Variants in SLC4A10 observed in about 807,000 individuals in gnomAD.
SLC4A10 encodes sodium-driven chloride bicarbonate exchanger.
In SLC4A10, 42 loss-of-function variants were observed where a neutral mutation model predicts 137.7. The ratio of observed to expected loss-of-function variants is 0.30; its 90% CI spans 0.24 to 0.39. The LOEUF is 0.39. SLC4A10 is among the 10% of genes least tolerant of loss of function. The probability of loss-of-function intolerance (pLI) is 1.00; values close to 1 mark genes in which losing one functional copy is unlikely to be tolerated. For synonymous variants in SLC4A10, 474 were observed against 464.1 expected (o/e 1.02, Z -0.27); for missense variants, 925 against 1,355.0 (o/e 0.68, Z 4.98).
intron 1 of SLC4A10, among the ~76,000 whole-genome samples, chr2:161,684,161 CACTTG>C: frequency 6.6e-6 from 1 of 152,180 alleles, no homozygotes; most frequent in East Asian, 1.9e-4. Flanking sequence ...GTGTGTGGCT[CACTTG>C]ACTTAGCGTG....
intron 1 of SLC4A10, among the ~76,000 whole-genome samples, chr2:161,742,996 T>C (rs62189041): frequency 0.081 from 12,369 of 152,238 alleles, 639 homozygotes; most frequent in East Asian, 0.14. Context: ...GTTTGTGCTC[T>C]TTATATATTA....
chr2:161,690,341 T>C (rs1395959589), intron 1 of SLC4A10, among the ~76,000 whole-genome samples: 1 of 152,132 alleles, frequency 6.6e-6, no homozygotes, highest in African/African-American at 2.4e-5. Context: ...TTTTACACTT[T>C]TGGTGGAATG....
chr2:161,719,818 C>T (rs981976309), intron 1 of SLC4A10, among the ~76,000 whole-genome samples: 83 of 151,948 alleles, frequency 5.5e-4, no homozygotes, highest in Middle Eastern at 6.8e-3. Flanking sequence ...GAGTAGGTTG[C>T]GAAAATTTTC....
intron 19 of SLC4A10, among the ~76,000 whole-genome samples, chr2:161,955,103 G>A (rs1466323089): frequency 1.3e-5 from 2 of 152,050 alleles, no homozygotes; most frequent in Admixed American, 6.6e-5. Context: ...CTCCAAGGGG[G>A]CACCATTCAC....
intron 4 of SLC4A10, among the ~76,000 whole-genome samples, chr2:161,849,313 G>A (rs1402356324): frequency 3.9e-5 from 6 of 152,018 alleles, no homozygotes; most frequent in Non-Finnish European, 8.8e-5. Context: ...AGAGATTATG[G>A]TTTTCCTAGG....
intron 1 of SLC4A10, among the ~76,000 whole-genome samples, chr2:161,716,001 T>C (rs1446160237): frequency 6.6e-6 from 1 of 152,146 alleles, no homozygotes; most frequent in African/African-American, 2.4e-5. Context: ...ATCTGTTGTT[T>C]CTTGACTTCT....
intron 23 of SLC4A10, among the ~76,000 whole-genome samples, chr2:161,970,465 C>T (rs1475237366): frequency 6.6e-6 from 1 of 152,202 alleles, no homozygotes; most frequent in Non-Finnish European, 1.5e-5. Flanking sequence ...TGGTTTGACA[C>T]TTCTACTTTC....
chr2:161,753,453 T>A (rs185412591), intron 1 of SLC4A10, among the ~76,000 whole-genome samples: 1 of 152,138 alleles, frequency 6.6e-6, no homozygotes, highest in Admixed American at 6.6e-5. Flanking sequence ...GGTTTTGGAG[T>A]TAGGCAGATC....
intron 1 of SLC4A10, among the ~76,000 whole-genome samples, chr2:161,725,869 G>A (rs976182160): frequency 6.6e-6 from 1 of 152,098 alleles, no homozygotes; most frequent in Non-Finnish European, 1.5e-5. Flanking sequence ...GTGGGATTAG[G>A]TTCTCATTTA....
chr2:161,637,098 T>A (rs1247630747), intron 1 of SLC4A10, among the ~76,000 whole-genome samples: 1 of 125,450 alleles, frequency 8.0e-6, no homozygotes, highest in South Asian at 2.4e-4. Context: ...CATATACGTA[T>A]ATACGTATTT....
chr2:161,813,664 A>C (rs371225614), intron 3 of SLC4A10, among the ~76,000 whole-genome samples: 5 of 152,308 alleles, frequency 3.3e-5, no homozygotes, highest in African/African-American at 9.6e-5. Flanking sequence ...CTATGCGCTA[A>C]TGATGAGTTT....
At chr2:161,711,588 TG>T (rs1174274532) in intron 1 of SLC4A10, among the ~76,000 whole-genome samples, 1 of 151,820 alleles carries the variant, frequency 6.6e-6, no homozygotes, top group Non-Finnish European at 1.5e-5. Flanking sequence ...GTGGAGAAGA[TG>T]CAAAGCCCTT....
intron 1 of SLC4A10, among the ~76,000 whole-genome samples, chr2:161,722,617 G>C (rs2045802550): frequency 6.6e-6 from 1 of 152,120 alleles, no homozygotes; most frequent in African/African-American, 2.4e-5. Flanking sequence ...GGTGTCTGGT[G>C]ACCCCTTTTG....
At chr2:161,972,215 T>C (rs1285580680) in intron 23 of SLC4A10, among the ~76,000 whole-genome samples, 1 of 127,648 alleles carries the variant, frequency 7.8e-6, no homozygotes, top group Non-Finnish European at 1.8e-5. Context: ...TATCTTGTCT[T>C]ACTTAATGTA....
At chr2:161,865,048 CT>C (rs1169638739) in intron 6 of SLC4A10, among the ~76,000 whole-genome samples, 9 of 152,158 alleles carry the variant, frequency 5.9e-5, no homozygotes, top group African/African-American at 2.2e-4. Context: ...AGATATATGT[CT>C]TTAAGAAAGA....
chr2:161,806,653 A>G (rs867865693), intron 3 of SLC4A10, among the ~76,000 whole-genome samples: 8 of 152,064 alleles, frequency 5.3e-5, no homozygotes, highest in African/African-American at 1.9e-4. Context: ...TCCAGTTCCC[A>G]ACACGTTCTT....
chr2:161,854,518 C>A (rs1013891140), intron 4 of SLC4A10, among the ~76,000 whole-genome samples: 2 of 152,110 alleles, frequency 1.3e-5, no homozygotes, highest in Admixed American at 6.6e-5. Context: ...ATTATGCTAG[C>A]CTCCCTCAAG....
chr2:161,742,144 A>G (rs911512915), intron 1 of SLC4A10, among the ~76,000 whole-genome samples: 3 of 152,184 alleles, frequency 2.0e-5, no homozygotes, highest in African/African-American at 7.2e-5. Context: ...TATTGCATCA[A>G]TTCACAGGAT....
At chr2:161,928,665 A>G (rs1689720667) in intron 15 of SLC4A10, among the ~76,000 whole-genome samples, 1 of 150,778 alleles carries the variant, frequency 6.6e-6, no homozygotes, top group Non-Finnish European at 1.5e-5. Context: ...AAAAAAAAAA[A>G]AAAGTAGGAG....
Sources: gnomAD v4.1 joint callset for allele counts (sites outside exome capture counted in the v4.1 genomes callset) on GRCh38, gnomAD v4.1.1 for gene constraint, MANE v1.5 for transcripts, NCBI Gene and HGNC (gene_info 2026-07-23, HGNC 2026-07-21) for gene names.